CLEC4F: variants seen among roughly 807,000 people sequenced by gnomAD.
The protein encoded by CLEC4F is C-type lectin domain family 4 member F.
A neutral mutation model predicts 53.4 loss-of-function variants in CLEC4F; 45 were observed. The ratio of observed to expected loss-of-function variants is 0.84; its 90% confidence interval spans 0.66 to 1.08. The LOEUF (loss-of-function observed/expected upper bound fraction) is 1.08. CLEC4F is among the 50% of genes least tolerant of loss of function. CLEC4F has a pLI of 0.00. For synonymous variants in CLEC4F, 245 were observed against 257.5 expected (o/e 0.95, Z 0.46); for missense variants, 753 against 698.2 (o/e 1.08, Z -0.88).
At chr2:70,812,094 C>CA (rs61309727) in intron 5 of CLEC4F, among the ~76,000 whole-genome samples, 8 of 151,400 alleles carry the variant, frequency 5.3e-5, no homozygotes, top group South Asian at 4.2e-4. Flanking sequence ...ACACTGTCTC[C>CA]AAAAAAAAGA....
chr2:70,819,913 C>CCAAGGTGAGAGGGTGCTGTG (rs781828648), intron 1 of CLEC4F, 22 bp from the exon 2 acceptor site: 33 of 1,511,188 alleles, frequency 2.2e-5, no homozygotes, highest in Admixed American at 1.2e-4. Flanking sequence ...AAGGCAGTGT[C>CCAAGGTGAGAGGGTGCTGTG]CAAGGTGAGA....
At chr2:70,819,981 T>C in intron 1 of CLEC4F, 90 bp from the exon 2 acceptor site, 2 of 842,018 alleles carry the variant, frequency 2.4e-6, no homozygotes, top group Non-Finnish European at 3.7e-6. Flanking sequence ...TCTCTGATTC[T>C]GTTTCCTGGG....
At chr2:70,819,521 A>G (rs868950737) in intron 2 of CLEC4F, 77 bp from the exon 3 acceptor site, 2 of 1,364,926 alleles carry the variant, frequency 1.5e-6, no homozygotes, top group Non-Finnish European at 2.1e-6. Flanking sequence ...ACACAGAGGT[A>G]GAGTTCCAGA....
intron 4 of CLEC4F, among the ~76,000 whole-genome samples, chr2:70,813,535 CTTT>C (rs1200669131): frequency 1.1e-5 from 1 of 92,942 alleles, no homozygotes; most frequent in African/African-American, 3.5e-5. Flanking sequence ...TTCTTTCTTT[CTTT>C]TTTTCTTTCT....
At chr2:70,815,895 A>G (rs1676869169) in intron 4 of CLEC4F, 99 bp downstream of exon 4, 2 of 1,285,818 alleles carry the variant, frequency 1.6e-6, no homozygotes, top group Admixed American at 2.3e-5. Flanking sequence ...TTGGTCAAGG[A>G]GATGCATGTT....
intron 1 of CLEC4F, 53 bp from the exon 2 acceptor site, chr2:70,819,944 G>T: frequency 1.6e-6 from 2 of 1,278,142 alleles, no homozygotes; most frequent in Non-Finnish European, 2.2e-6. Context: ...CAAGGTAAGA[G>T]GGTGCTGTGC....
intron 4 of CLEC4F, among the ~76,000 whole-genome samples, chr2:70,815,237 T>C (rs1329034964): frequency 2.6e-5 from 4 of 152,206 alleles, no homozygotes; most frequent in African/African-American, 9.7e-5. Context: ...CCCTATTTGC[T>C]TGGCAAACAC....
chr2:70,824,250 C>A (rs185694825), upstream of CLEC4F, among the ~76,000 whole-genome samples: 16 of 146,146 alleles, frequency 1.1e-4, no homozygotes, highest in African/African-American at 4.0e-4. Context: ...AATACAGCAA[C>A]AACAATTCAA....
chr2:70,824,599 A>C (rs1294947068), upstream of CLEC4F, among the ~76,000 whole-genome samples: 1 of 137,342 alleles, frequency 7.3e-6, no homozygotes, highest in African/African-American at 2.7e-5. Flanking sequence ...GTAGTACCAG[A>C]AAGTAAGGAG....
chr2:70,809,374 G>A lies in CLEC4F; in HGVS notation c.1667C>T (p.Ser556Phe). 6.2e-7 allele frequency: 1 copy of A among 1,609,666 alleles called. No homozygotes were observed. Among genetic ancestry groups the A allele is most frequent in the Non-Finnish European group, 8.5e-7 (1 of 1,177,980 alleles). Residue 556 changes from serine to phenylalanine, a missense_variant, in exon 7 of 7, where the codon TCC (serine) becomes TTC (phenylalanine). By Grantham distance (155) the Ser-to-Phe change is radical. Coordinates refer to ENST00000272367, the MANE Select transcript of CLEC4F (RefSeq NM_173535.3). ...FNAAQNKAPG[S>F]KGSCPLRKYI... is the part of the protein sequence containing the mutation. ...CTTTCTGAGTGGGCAGGATCCCTTG[G>A]AACCAGGCCTGAGTAGGGCAGGGGG...
chr2:70,815,943 C>T, intron 4 of CLEC4F, 51 bp downstream of exon 4: 1 of 1,545,616 alleles, frequency 6.5e-7, no homozygotes, highest in Non-Finnish European at 8.7e-7. Flanking sequence ...AAGACTCTAC[C>T]CTCTCAAGAG....
At position 70,820,470 on chromosome 2, in the gene CLEC4F, G is replaced by T. The variant is rs150690320; in HGVS notation, c.54C>A (p.His18Gln). 308 of 1,585,900 alleles carry T rather than the reference G, an allele frequency of 1.9e-4. No individual in the cohort carries two copies. In the African/African-American group the frequency reaches 3.6e-3, roughly 18 times the overall value. ...FCTDNQCVSL[H>Q]PQEVDSVAMA... ...GGGCCCCAGTTTTCTCACCTTGGGG[G>T]TGCAGGGAGACACACTGGTTATCTG... The change falls in exon 1 of 7, where the codon CAC (histidine) becomes CAA (glutamine). Residue 18 changes from histidine to glutamine, a missense_variant. Coordinates refer to ENST00000272367, the MANE Select transcript of CLEC4F (RefSeq NM_173535.3).
At chr2:70,813,618 T>TCTTTCTTC (rs1676724476) in intron 4 of CLEC4F, among the ~76,000 whole-genome samples, 2 of 147,790 alleles carry the variant, frequency 1.4e-5, no homozygotes, top group African/African-American at 5.1e-5. Flanking sequence ...TTTCTTTCTT[T>TCTTTCTTC]CTTTCTTTCT....
At chr2:70,817,723 G>C (rs782226573) in intron 3 of CLEC4F, among the ~76,000 whole-genome samples, 2 of 152,136 alleles carry the variant, frequency 1.3e-5, no homozygotes, top group Non-Finnish European at 2.9e-5. Context: ...GAAGTACCCT[G>C]TTCAATCAAC....
At chr2:70,818,447 C>A (rs1486468787) in intron 3 of CLEC4F, among the ~76,000 whole-genome samples, 1 of 152,114 alleles carries the variant, frequency 6.6e-6, no homozygotes, top group Non-Finnish European at 1.5e-5. Context: ...CATGGTGGCT[C>A]ACGCCTGTAA....
chr2:70,816,710 G>C lies in CLEC4F; in HGVS notation c.671C>G (p.Ser224Cys). Residue 224 changes from serine (S) to cysteine (C), a missense_variant, in exon 4 of 7, where the codon TCT becomes TGT. Transcript: ENST00000272367. ...ACTGGCATTCAACATCTGAATTTCA[G>C]AGTTTGCATTTTCTAAGCCTCTGCT... ...VLSRGLENAN[S>C]EIQMLNASLE... The C allele has an allele frequency of 6.2e-7, 1 of 1,614,142 alleles. No homozygotes were observed. Among genetic ancestry groups the C allele is most frequent in the African/African-American group, 1.3e-5 (1 of 75,040 alleles).
upstream of CLEC4F, among the ~76,000 whole-genome samples, chr2:70,822,868 T>C (rs1236110094): frequency 6.6e-6 from 1 of 152,230 alleles, no homozygotes; most frequent in African/African-American, 2.4e-5. Context: ...TTTGCACAGA[T>C]CCTGGGGTCA....
In CLEC4F at chr2:70,816,286, C is replaced by T; in HGVS notation, c.1095G>A (p.Glu365=). 1 of 1,614,222 alleles carries T rather than the reference C, an allele frequency of 6.2e-7. No homozygotes were observed. Among genetic ancestry groups the T allele is most frequent in the Non-Finnish European group, 8.5e-7 (1 of 1,180,030 alleles). Residue 365 remains glutamate, a synonymous_variant, in exon 4 of 7, where the codon GAG becomes GAA. Coordinates refer to ENST00000272367, the MANE Select transcript of CLEC4F (RefSeq NM_173535.3). ...CATTTAAGGTATTCACATTTTCCATCTCTGACTTGAATACCTGAATCTGAG... is the reference window on the plus strand; with the variant it reads ...CATTTAAGGTATTCACATTTTCCATTTCTGACTTGAATACCTGAATCTGAG... ...TDTQIQVFKS[E]MENVNTLNAQ...
chr2:70,812,053 T>C (rs542035310), intron 5 of CLEC4F, among the ~76,000 whole-genome samples: 102 of 152,176 alleles, frequency 6.7e-4, no homozygotes, highest in African/African-American at 2.4e-3. Context: ...ATGATCAGGC[T>C]ACTGCACTCC....
Sources: allele counts gnomAD v4.1 joint callset (sites outside exome capture counted in the v4.1 genomes callset), GRCh38; gene constraint gnomAD v4.1.1; transcripts MANE v1.5; gene names NCBI Gene and HGNC (gene_info 2026-07-23, HGNC 2026-07-21).